The following GAK variants were observed in gnomAD, a reference collection of about 807,000 sequenced individuals.
GAK encodes the protein cyclin-G-associated kinase.
In GAK, 79 loss-of-function variants were observed where a neutral mutation model predicts 143.9. The observed-to-expected ratio is 0.55, with a 90% CI of 0.46 to 0.66. GAK has a LOEUF of 0.66. Among genes scored for constraint, GAK ranks in the 30% least tolerant of loss-of-function variants. The pLI is 0.00. For synonymous variants in GAK, 881 were observed against 765.5 expected (o/e 1.15, Z -2.49); for missense variants, 1,693 against 1,779.7 (o/e 0.95, Z 0.88).
intron 14 of GAK, among the ~76,000 whole-genome samples, chr4:882,439 G>A (rs1421281756): frequency 1.3e-5 from 2 of 152,190 alleles, no homozygotes; most frequent in African/African-American, 4.8e-5. Flanking sequence ...GAGGGGAGGT[G>A]GGCTCCCCAC....
intron 23 of GAK, 29 bp downstream of exon 23, chr4:865,093 G>A (rs753962820): frequency 2.5e-6 from 4 of 1,598,918 alleles, no homozygotes; most frequent in East Asian, 4.5e-5. Context: ...ACGTCTGGGA[G>A]CCCTGTCCTT....
In GAK at chr4:889,067, C is replaced by T; in HGVS notation, c.1082-97G>A. 7.2e-6 allele frequency: 10 copies of T among 1,383,434 alleles called. No homozygotes were observed. In the South Asian group the frequency reaches 1.0e-4, roughly 14 times the overall value. 85.7% of individuals were successfully genotyped at this position (1,383,434 alleles called of 1,614,324 possible). A position where few individuals can be genotyped will look rare whatever the true frequency, so the allele number is the denominator to read the frequency against. Reference sequence around the variant, plus strand: ...GGCCCAGGCCCCAGGCGCTCGGTCCCACCTCCCCAGGCGCTCGGTCCCACC... The same window carrying T: ...GGCCCAGGCCCCAGGCGCTCGGTCCTACCTCCCCAGGCGCTCGGTCCCACC... On this transcript the variant is annotated intron_variant, in intron 10 of 27. Transcript: ENST00000314167.
intron 16 of GAK, 97 bp downstream of exon 16, chr4:877,518 C>T: frequency 6.9e-6 from 9 of 1,300,262 alleles, no homozygotes; most frequent in Non-Finnish European, 9.5e-6. Flanking sequence ...TCCGCCTCAG[C>T]AAGCGCCTGT....
chr4:907,027 C>T (rs920725705), intron 4 of GAK, among the ~76,000 whole-genome samples: 4 of 152,254 alleles, frequency 2.6e-5, no homozygotes, highest in African/African-American at 9.6e-5. Context: ...AACCACCTGC[C>T]ATGGGCATGG....
In GAK at chr4:866,345, C is replaced by A. The variant is rs1222982488; in HGVS notation, c.3043+19G>T. 1.2e-6 allele frequency: 2 copies of A among 1,611,806 alleles called. No individual in the cohort carries two copies. The highest frequency in any genetic ancestry group is 1.7e-6 in the Non-Finnish European group (2 of 1,178,726). On this transcript the variant is annotated intron_variant, in intron 22 of 27. Transcript: ENST00000314167. ...GGAGGCGGCCATGGAGAGCTGGCTGCCAGGCGAGAGGCACTTACCCAGGTG... is the reference window on the plus strand; with the variant it reads ...GGAGGCGGCCATGGAGAGCTGGCTGACAGGCGAGAGGCACTTACCCAGGTG...
Position 897,777 on chromosome 4 carries a change from C to T in GAK, c.651+256G>A, listed in dbSNP as rs191093115. On this transcript the variant is annotated intron_variant, in intron 6 of 27. Transcript: ENST00000314167. ...CATCCTGGCCAACACGGTGAAACCC[C>T]GTCCCTACCAAAAACACAAAAATTA... is the stretch of plus-strand genomic sequence containing the variant. Among the ~76,000 whole-genome samples, 537 of 152,316 alleles carry T rather than the reference C, an allele frequency of 3.5e-3. 4 individuals are homozygous for T. Among genetic ancestry groups the T allele is most frequent in the South Asian group, 0.016 (76 of 4,822 alleles).
At chr4:893,558 G>A in intron 8 of GAK, 69 bp from the exon 9 acceptor site, 1 of 1,162,654 alleles carries the variant, frequency 8.6e-7, no homozygotes, top group South Asian at 1.6e-5. Context: ...TGCACTGGCA[G>A]AGGTCACAGA....
chr4:905,998 C>T (rs1220092224), intron 4 of GAK, among the ~76,000 whole-genome samples: 1 of 152,266 alleles, frequency 6.6e-6, no homozygotes, highest in Middle Eastern at 3.2e-3. Context: ...GCCCAAGCGT[C>T]ACCGAAGCAA....
chr4:884,715 T>C (rs1006929123), intron 11 of GAK, among the ~76,000 whole-genome samples: 9 of 152,180 alleles, frequency 5.9e-5, no homozygotes, highest in African/African-American at 2.2e-4. Context: ...CACAATTCAC[T>C]GGCAGCAGCA....
At chr4:883,233 G>T in intron 13 of GAK, 82 bp downstream of exon 13, 4 of 1,527,044 alleles carry the variant, frequency 2.6e-6, no homozygotes, top group Non-Finnish European at 3.5e-6. Flanking sequence ...CCCCACCCTG[G>T]CCAAAGCCCT....
intron 23 of GAK, among the ~76,000 whole-genome samples, chr4:860,051 T>A (rs1034132756): frequency 6.6e-6 from 1 of 152,202 alleles, no homozygotes; most frequent in Non-Finnish European, 1.5e-5. Flanking sequence ...CTCTTTATAA[T>A]AGCATAAATT....
At chr4:849,833 G>GGGGGGGCCCCC in intron 27 of GAK, 59 bp from the exon 28 acceptor site, 1 of 1,190,156 alleles carries the variant, frequency 8.4e-7, no homozygotes, top group Non-Finnish European at 1.2e-6. Flanking sequence ...GGCGGGGCAG[G>GGGGGGGCCCCC]ACCCCCCCCC....
At chr4:919,650 G>A (rs1184076370) in intron 1 of GAK, among the ~76,000 whole-genome samples, 5 of 152,210 alleles carry the variant, frequency 3.3e-5, no homozygotes, top group Admixed American at 3.3e-4. Context: ...CCGCTTCTGC[G>A]ATGCCTTCCC....
intron 5 of GAK, among the ~76,000 whole-genome samples, chr4:904,077 G>A (rs1229792312): frequency 6.6e-6 from 1 of 152,288 alleles, no homozygotes; most frequent in East Asian, 1.9e-4. Flanking sequence ...CATCCTAACT[G>A]AGCGGGAGCC....
chr4:932,170 C>A lies in GAK; in HGVS notation c.18G>T (p.Ser6=), dbSNP rs1406611301. 1.9e-6 allele frequency: 3 copies of A among 1,570,690 alleles called. No homozygotes were observed. Among genetic ancestry groups the A allele is most frequent in the Non-Finnish European group, 2.6e-6 (3 of 1,161,178 alleles). MSLLQ[S]ALDFLAGPGS... The stretch of plus-strand genomic sequence containing the variant: ...CTGGACCCGCCAAGAAGTCGAGCGC[C>A]GACTGCAGCAGCGACATGGCGGTGG... Residue 6 remains serine, a synonymous_variant, in exon 1 of 28, where the codon TCG becomes TCT. Transcript: ENST00000314167. This position sits in a 1 kb window ranked among gnomAD's most constrained non-coding sequence, Gnocchi z 4.0.
chr4:879,596 T>A (rs79381557), intron 15 of GAK, among the ~76,000 whole-genome samples: 5,313 of 152,300 alleles, frequency 0.035, 187 homozygotes, highest in East Asian at 0.19. Flanking sequence ...CAACACTTCC[T>A]CTGTGCTCGG....
intron 1 of GAK, among the ~76,000 whole-genome samples, chr4:917,587 T>G (rs1723277430): frequency 6.6e-6 from 1 of 152,184 alleles, no homozygotes. Flanking sequence ...TGCAAATGAA[T>G]CTATAGTAAC....
chr4:887,756 C>T (rs1375417557), intron 11 of GAK: 1 of 152,408 alleles, frequency 6.6e-6, no homozygotes, highest in East Asian at 1.9e-4. Flanking sequence ...CTCCAACATG[C>T]ACATGTGCTC....
At chr4:911,950 G>A (rs548941139) in intron 3 of GAK, 163 bp from the exon 4 acceptor site, 2 of 567,638 alleles carry the variant, frequency 3.5e-6, no homozygotes, top group South Asian at 1.7e-5. Flanking sequence ...AGCAGTGGAC[G>A]ACCGAGAGAA....
Sources: gnomAD v4.1 joint callset for allele counts (sites outside exome capture counted in the v4.1 genomes callset) on GRCh38, gnomAD v4.1.1 for gene constraint, Gnocchi (gnomAD v3.1) non-coding constraint, MANE v1.5 for transcripts, NCBI Gene and HGNC (gene_info 2026-07-23, HGNC 2026-07-21) for gene names.